NEIL2: variants seen among roughly 807,000 people sequenced by gnomAD.
The protein encoded by NEIL2 is nei like DNA glycosylase 2, also known as endonuclease 8-like 2.
In NEIL2, 23 loss-of-function variants were observed where a neutral mutation model predicts 22.2. The ratio of observed to expected loss-of-function variants is 1.04; its 90% CI spans 0.75 to 1.47. NEIL2 has a LOEUF of 1.47. Ranked by LOEUF, NEIL2 falls within the 40% of genes most tolerant of loss-of-function variation. NEIL2 has a pLI of 0.00. For missense variants in NEIL2, 583 were observed against 404.7 expected, an observed-to-expected ratio of 1.44 and a Z score of -3.78; for synonymous variants, 229 against 164.8, an observed-to-expected ratio of 1.39 and a Z score of -2.99.
At chr8:11,782,658 G>T (rs1804525334) in intron 3 of NEIL2, 1 of 191,214 alleles carries the variant, frequency 5.2e-6, no homozygotes, top group Non-Finnish European at 1.1e-5. Context: ...CTTTTACTGA[G>T]TGTGCATTGA....
chr8:11,778,977 A>G (rs1284115798), intron 2 of NEIL2, among the ~76,000 whole-genome samples: 2 of 145,034 alleles, frequency 1.4e-5, no homozygotes, highest in Non-Finnish European at 3.0e-5. Context: ...ACAGCAGAAC[A>G]TCCTTTAACA....
chr8:11,782,041 G>T (rs1303547229), intron 3 of NEIL2, among the ~76,000 whole-genome samples: 8 of 152,028 alleles, frequency 5.3e-5, no homozygotes, highest in Non-Finnish European at 1.2e-4. Flanking sequence ...TCCAGCCTGG[G>T]CAACAGAGCA....
chr8:11,773,851 C>T (rs527342225), intron 2 of NEIL2, among the ~76,000 whole-genome samples: 20 of 152,290 alleles, frequency 1.3e-4, no homozygotes, highest in Non-Finnish European at 2.5e-4. Context: ...ATGGTTTTCT[C>T]CTCCTCCAGT....
intron 3 of NEIL2, chr8:11,782,952 C>G (rs1004185313): frequency 3.4e-5 from 19 of 566,124 alleles, no homozygotes; most frequent in Non-Finnish European, 5.9e-5. Context: ...ACAGAGTGTC[C>G]TCTGACTATG....
At chr8:11,771,132 G>T (rs1803398741) in intron 1 of NEIL2, among the ~76,000 whole-genome samples, 1 of 152,200 alleles carries the variant, frequency 6.6e-6, no homozygotes, top group African/African-American at 2.4e-5. Context: ...TCCTGGTGTG[G>T]CAGGTGCCGC....
At chr8:11,771,327 T>C in intron 1 of NEIL2, 119 bp from the exon 2 acceptor site, 2 of 1,301,204 alleles carry the variant, frequency 1.5e-6, no homozygotes, top group Non-Finnish European at 2.2e-6. Context: ...TTGGCCATGC[T>C]TGCTCTTAAA....
At position 11,770,028 on chromosome 8, in the gene NEIL2, G is replaced by C. The variant is rs1397159654; in HGVS notation, c.-310G>C. Reference sequence around the variant, plus strand: ...CCCCCCACCTCGGGCACTCGGAAGAGAACGGCGGAGACAACCCCTCCTCTT... The same window carrying C: ...CCCCCCACCTCGGGCACTCGGAAGACAACGGCGGAGACAACCCCTCCTCTT... On this transcript the variant is annotated 5_prime_UTR_variant, in exon 1 of 5. Coordinates refer to ENST00000284503, the MANE Select transcript of NEIL2 (RefSeq NM_145043.4). The C allele has an allele frequency of 1.3e-5, 2 of 152,168 alleles. No individual in the cohort carries two copies. The highest frequency in any genetic ancestry group is 4.8e-5 in the African/African-American group (2 of 41,426). 9.4% of individuals were successfully genotyped at this position (152,168 alleles called of 1,614,324 possible).
chr8:11,780,894 A>G (rs1032157447), intron 3 of NEIL2, among the ~76,000 whole-genome samples: 4 of 152,150 alleles, frequency 2.6e-5, no homozygotes. Flanking sequence ...CTTCTTATCA[A>G]TGTAATGAAG....
rs1475317163 is a variant in NEIL2, at chr8:11,786,783, A to C, written c.*510A>C. 3.5e-5 allele frequency: 6 copies of C among 171,988 alleles called. No homozygotes were observed. In the East Asian group the frequency reaches 1.0e-3, roughly 30 times the overall value. The allele number at this position is 171,988 out of a possible 1,614,324, so 10.7% of individuals were successfully genotyped here. A position where few individuals can be genotyped will look rare whatever the true frequency, so the allele number is the denominator to read the frequency against. On this transcript the variant is annotated 3_prime_UTR_variant, in exon 5 of 5. Transcript: ENST00000284503. ...CTCCAGAGTAGCTGGGACTACAGGC[A>C]TGTGATATGATGCTCGGCTGATTTT...
chr8:11,775,409 GA>G (rs1803827095), intron 2 of NEIL2, among the ~76,000 whole-genome samples: 1 of 152,226 alleles, frequency 6.6e-6, no homozygotes, highest in African/African-American at 2.4e-5. Context: ...GCACACAGCA[GA>G]GGGGGCCCTG....
rs1563268357 is a variant in NEIL2, at chr8:11,786,063, C to T, written c.789C>T (p.His263=). The change falls in exon 5 of 5, where the codon CAC becomes CAT. Residue 263 remains histidine, a synonymous_variant. Coordinates refer to ENST00000284503, the MANE Select transcript of NEIL2 (RefSeq NM_145043.4). ...SASRREVLVD[H]VVEFSTAWLQ... ...CGCGTCGGGAGGTCCTGGTGGATCA[C>T]GTGGTGGAGTTCAGTACAGCCTGGC... is the stretch of plus-strand genomic sequence containing the variant. The T allele has an allele frequency of 3.7e-6, 6 of 1,614,142 alleles. No individual in the cohort carries two copies. Among genetic ancestry groups the T allele is most frequent in the South Asian group, 3.3e-5 (3 of 91,090 alleles).
chr8:11,778,665 C>A (rs1458079000), intron 2 of NEIL2, among the ~76,000 whole-genome samples: 1 of 152,004 alleles, frequency 6.6e-6, no homozygotes, highest in Non-Finnish European at 1.5e-5. Flanking sequence ...AAAGTCAAAG[C>A]AAGGGCCCAG....
At chr8:11,774,763 A>G (rs1803762802) in intron 2 of NEIL2, among the ~76,000 whole-genome samples, 1 of 152,234 alleles carries the variant, frequency 6.6e-6, no homozygotes, top group African/African-American at 2.4e-5. Flanking sequence ...AAATGGGAGA[A>G]ATTGGCCAAA....
In NEIL2 at chr8:11,779,806, A is replaced by G. The variant is rs1409679977; in HGVS notation, c.347A>G (p.Glu116Gly). The G allele has an allele frequency of 6.2e-7, 1 of 1,613,936 alleles. No individual in the cohort carries two copies. Among genetic ancestry groups the G allele is most frequent in the Non-Finnish European group, 8.5e-7 (1 of 1,179,978 alleles). Reference sequence around the variant, plus strand: ...GTCCCCCAGGGCGAGGATGATTCTGAGTATTTGGAGAGAGACGCCCCTGCA... The same window carrying G: ...GTCCCCCAGGGCGAGGATGATTCTGGGTATTTGGAGAGAGACGCCCCTGCA... ...ELVPQGEDDS[E>G]YLERDAPAGD... The change falls in exon 3 of 5, where the codon GAG becomes GGG. Residue 116 changes from glutamate to glycine, a missense_variant. Coordinates refer to ENST00000284503, the MANE Select transcript of NEIL2 (RefSeq NM_145043.4).
chr8:11,780,077 T>C (rs1445927211), intron 3 of NEIL2, 127 bp downstream of exon 3: 6 of 763,422 alleles, frequency 7.9e-6, no homozygotes, highest in East Asian at 5.2e-5. Context: ...CCCTGCTGTC[T>C]TGGGGAGAGA....
intron 2 of NEIL2, among the ~76,000 whole-genome samples, chr8:11,774,640 C>G (rs536248997): frequency 6.6e-6 from 1 of 152,202 alleles, no homozygotes; most frequent in Non-Finnish European, 1.5e-5. Context: ...AGTCCAAAGT[C>G]TCATCTGAGA....
chr8:11,772,816 C>T (rs754127127), intron 2 of NEIL2, among the ~76,000 whole-genome samples: 1 of 152,162 alleles, frequency 6.6e-6, no homozygotes, highest in Non-Finnish European at 1.5e-5. Flanking sequence ...TGGAGATAAG[C>T]CATTGACCTC....
intron 3 of NEIL2, 81 bp downstream of exon 3, chr8:11,780,031 GGGACATACTGAGGACGTCCAGTCTGC>G: frequency 8.0e-7 from 1 of 1,248,190 alleles, no homozygotes; most frequent in Non-Finnish European, 1.2e-6. Flanking sequence ...TTCAGCAGTG[GGGACATACTGAGGACGTCCAGTCTGC>G]CCCCCAGGGC....
At position 11,779,867 on chromosome 8, in the gene NEIL2, T is replaced by C; in HGVS notation, c.408T>C (p.Gly136=). 6.8e-6 allele frequency: 11 copies of C among 1,613,962 alleles called. No homozygotes were observed. The highest frequency in any genetic ancestry group is 9.3e-6 in the Non-Finnish European group (11 of 1,179,982). Residue 136 remains glycine, a synonymous_variant, in exon 3 of 5, where the codon GGT becomes GGC. Transcript: ENST00000284503. ...GGAGGTGGCTGCGTGTCAGCTTTGGTTTGTTTGGCAGCGTTTGGGTGAACG... is the reference window on the plus strand; with the variant it reads ...GGAGGTGGCTGCGTGTCAGCTTTGGCTTGTTTGGCAGCGTTTGGGTGAACG... ...DAGRWLRVSF[G]LFGSVWVNDF...
Sources: allele counts gnomAD v4.1 joint callset (sites outside exome capture counted in the v4.1 genomes callset), GRCh38; gene constraint gnomAD v4.1.1; transcripts MANE v1.5; gene names NCBI Gene and HGNC (gene_info 2026-07-23, HGNC 2026-07-21).